ENTPD2: variants seen among roughly 807,000 people sequenced by gnomAD.
ENTPD2 encodes ectonucleoside triphosphate diphosphohydrolase 2, also known as CD39 antigen-like 1.
Under a neutral mutation model 46.8 loss-of-function variants are expected in ENTPD2, and 48 were observed. The observed-to-expected ratio is 1.03, with a 90% CI of 0.81 to 1.30. The LOEUF is 1.30. ENTPD2 is among the 50% of genes most tolerant of loss of function. ENTPD2 has a pLI of 0.00. For synonymous variants in ENTPD2, 316 were observed against 286.1 expected (o/e 1.10, Z -1.06); for missense variants, 707 against 651.1 (o/e 1.09, Z -0.93).
At chr9:137,052,197 G>C (rs775767357) in intron 2 of ENTPD2, 34 bp downstream of exon 2, 5 of 1,593,244 alleles carry the variant, frequency 3.1e-6, no homozygotes, top group Non-Finnish European at 4.3e-6. Context: ...CCTGCAGTGA[G>C]TGGGCGTCCT....
Position 137,054,021 on chromosome 9 carries a change from C to G in ENTPD2, c.-24G>C, listed in dbSNP as rs1442046475. ...ATGGGCGGGCGGGCGCGCGGGAGGACGATGCGTGGACCCGGAGAGTGCGGG... is the reference window on the plus strand; with the variant it reads ...ATGGGCGGGCGGGCGCGCGGGAGGAGGATGCGTGGACCCGGAGAGTGCGGG... On this transcript the variant is annotated 5_prime_UTR_variant, in exon 1 of 9. Coordinates refer to ENST00000355097, the MANE Select transcript of ENTPD2 (RefSeq NM_203468.3). 2 of 1,196,926 alleles carry G rather than the reference C, an allele frequency of 1.7e-6. No individual in the cohort carries two copies. The highest frequency in any genetic ancestry group is 1.6e-5 in the African/African-American group (1 of 63,040). The allele number at this position is 1,196,926 out of a possible 1,614,324, so 74.1% of individuals were successfully genotyped here.
intron 2 of ENTPD2, 149 bp downstream of exon 2, chr9:137,052,082 G>A (rs2131515017): frequency 1.4e-6 from 1 of 725,280 alleles, no homozygotes; most frequent in African/African-American, 1.8e-5. Flanking sequence ...CTCAGGCGCA[G>A]GGGCACCAGC....
chr9:137,050,740 C>T (rs2292924), intron 5 of ENTPD2, among the ~76,000 whole-genome samples, 162 bp downstream of exon 5: 1,914 of 152,132 alleles, frequency 0.013, 47 homozygotes, highest in East Asian at 0.1. Context: ...CTTCTCCAGG[C>T]CCAGCCCAGC....
Position 137,049,903 on chromosome 9 carries a change from G to C in ENTPD2, c.1116C>G (p.Ala372=). Residue 372 remains alanine (A), a synonymous_variant, in exon 7 of 9, where the codon GCC becomes GCG. Coordinates refer to ENST00000355097, the MANE Select transcript of ENTPD2 (RefSeq NM_203468.3). ...PVATLQQLEA[A]AVNVCNQTWA... ...AGGTCTGGTTGCAGACATTCACTGCGGCTGCCTCCAGCTGCTGCAGGGTGG... is the reference window on the plus strand; with the variant it reads ...AGGTCTGGTTGCAGACATTCACTGCCGCTGCCTCCAGCTGCTGCAGGGTGG... The C allele has an allele frequency of 1.2e-6, 2 of 1,612,258 alleles. No homozygotes were observed. Among genetic ancestry groups the C allele is most frequent in the Non-Finnish European group, 1.7e-6 (2 of 1,179,740 alleles).
At chr9:137,051,438 C>T (rs1393524944) in intron 3 of ENTPD2, 68 bp from the exon 4 acceptor site, 11 of 1,541,242 alleles carry the variant, frequency 7.1e-6, no homozygotes, top group Middle Eastern at 1.8e-4. Context: ...TAGGGGTGCT[C>T]GGAGTCCGCC....
chr9:137,053,609 CT>C (rs923973286), intron 1 of ENTPD2, among the ~76,000 whole-genome samples: 10 of 152,356 alleles, frequency 6.6e-5, no homozygotes, highest in African/African-American at 2.4e-4. Flanking sequence ...AGCCCCTGGG[CT>C]GCGTTGACGG....
intron 1 of ENTPD2, 56 bp downstream of exon 1, chr9:137,053,825 G>A: frequency 8.7e-7 from 1 of 1,146,624 alleles, no homozygotes. Context: ...CCCCCTCCCC[G>A]GCTCCAAGCC....
At chr9:137,053,673 C>G (rs1008024092) in intron 1 of ENTPD2, among the ~76,000 whole-genome samples, 30 of 151,988 alleles carry the variant, frequency 2.0e-4, no homozygotes, top group Admixed American at 1.3e-4. Context: ...CACCGCGTCG[C>G]CCTGGAAGCG....
In ENTPD2 at chr9:137,051,203, G is replaced by A. The variant is rs1832286632; in HGVS notation, c.546+8C>T. Reference sequence around the variant, plus strand: ...CCCCCTGGCTCTTTGGCTGGCTGCTGGGCCCACCTTGATGAAGTTCTCCAG... The same window carrying A: ...CCCCCTGGCTCTTTGGCTGGCTGCTAGGCCCACCTTGATGAAGTTCTCCAG... On this transcript the variant is annotated splice_region_variant and intron_variant, in intron 4 of 8. Coordinates refer to ENST00000355097, the MANE Select transcript of ENTPD2 (RefSeq NM_203468.3). 6.2e-7 allele frequency: 1 copy of A among 1,612,456 alleles called. No homozygotes were observed.
At chr9:137,049,733 G>A in intron 7 of ENTPD2, 137 bp downstream of exon 7, 1 of 1,029,392 alleles carries the variant, frequency 9.7e-7, no homozygotes, top group Non-Finnish European at 1.4e-6. Context: ...GCCACCTCTG[G>A]AGTCAGCCTA....
intron 1 of ENTPD2, 59 bp from the exon 2 acceptor site, chr9:137,052,407 C>G (rs1832317010): frequency 1.1e-5 from 15 of 1,365,432 alleles, no homozygotes; most frequent in African/African-American, 2.9e-5. Flanking sequence ...CACCCTGACA[C>G]CAAACGTGAA....
At chr9:137,049,399 C>A in intron 7 of ENTPD2, 1 of 594,042 alleles carries the variant, frequency 1.7e-6, no homozygotes, top group Non-Finnish European at 3.0e-6. Context: ...AGGCCTGAGT[C>A]TGCCCGCTGG....
Position 137,052,423 on chromosome 9 carries a change from G to T in ENTPD2, c.118-75C>A. On this transcript the variant is annotated intron_variant, in intron 1 of 8. Transcript: ENST00000355097. ...ACCCTGACACCAAACGTGAAGTTGGGTTCCTCCAGTTTGCCACCGCTCCCC... is the reference window on the plus strand; with the variant it reads ...ACCCTGACACCAAACGTGAAGTTGGTTTCCTCCAGTTTGCCACCGCTCCCC... 5 of 1,254,074 alleles carry T rather than the reference G, an allele frequency of 4.0e-6. No individual in the cohort carries two copies. The Admixed American group carries it at 5.7e-5, about 14-fold the overall frequency. The allele number at this position is 1,254,074 out of a possible 1,614,324, so 77.7% of individuals were successfully genotyped here.
Position 137,049,050 on chromosome 9 carries a change from C to G in ENTPD2, c.1175G>C (p.Arg392Pro), listed in dbSNP as rs371094769. The change falls in exon 8 of 9, where the codon CGG becomes CCG. Residue 392 changes from arginine (R) to proline (P), a missense_variant. Coordinates refer to ENST00000355097, the MANE Select transcript of ENTPD2 (RefSeq NM_203468.3). ...GGCGCAGTAGTCGGCCAGGCGGGCCCGTTGCCCTGGCACCCGAGCTTGCAG... is the reference window on the plus strand; with the variant it reads ...GGCGCAGTAGTCGGCCAGGCGGGCCGGTTGCCCTGGCACCCGAGCTTGCAG... ...AQLQARVPGQRARLADYCAGA... is the reference protein window; with the variant it reads ...AQLQARVPGQPARLADYCAGA... 8.0e-5 allele frequency: 122 copies of G among 1,534,118 alleles called. No homozygotes were observed. In the East Asian group the frequency reaches 1.9e-3, roughly 24 times the overall value.
In ENTPD2 at chr9:137,051,176, C is replaced by T. The variant is rs1477947375; in HGVS notation, c.546+35G>A. On this transcript the variant is annotated intron_variant, in intron 4 of 8. Coordinates refer to ENST00000355097, the MANE Select transcript of ENTPD2 (RefSeq NM_203468.3). ...GTCAACCAGGGGCCGAGGGCGCCCA[C>T]GCCCCCTGGCTCTTTGGCTGGCTGC... 1.1e-5 allele frequency: 17 copies of T among 1,611,350 alleles called. No homozygotes were observed. The East Asian group carries it at 1.1e-4, about 11-fold the overall frequency.
intron 3 of ENTPD2, 22 bp downstream of exon 3, chr9:137,051,488 G>A: frequency 3.2e-6 from 5 of 1,574,812 alleles, no homozygotes; most frequent in Non-Finnish European, 4.3e-6. Context: ...TGGGGACAGG[G>A]CCAGGGCACA....
rs763454460 is a variant in ENTPD2 at position 137,049,945 on chromosome 9, C to T, written c.1074G>A (p.Ser358=). Residue 358 remains serine (S), a synonymous_variant, in exon 7 of 9, where the codon TCG becomes TCA. Transcript: ENST00000355097. ...FFYTVDFLRT[S]MGLPVATLQQ... Reference sequence around the variant, plus strand: ...GCAGGGTGGCCACGGGCAGCCCCATCGAAGTCCGCAAAAAGTCCACAGTGT... The same window carrying T: ...GCAGGGTGGCCACGGGCAGCCCCATTGAAGTCCGCAAAAAGTCCACAGTGT... 20 of 1,612,476 alleles carry T rather than the reference C, an allele frequency of 1.2e-5. No individual in the cohort carries two copies. In the East Asian group the frequency reaches 2.7e-4, roughly 22 times the overall value.
chr9:137,050,612 G>A lies in ENTPD2; in HGVS notation c.775-74C>T, dbSNP rs191479203. The stretch of plus-strand genomic sequence containing the variant: ...GACCAGCCTGACAAACCTCCCACAG[G>A]TCTCACTCTGGCAACTTCACTTTTG... On this transcript the variant is annotated intron_variant, in intron 5 of 8. Transcript: ENST00000355097. The A allele has an allele frequency of 1.1e-4, 166 of 1,544,050 alleles. 1 individual carries two copies. The African/African-American group carries it at 2.1e-3, about 19-fold the overall frequency.
Position 137,048,829 on chromosome 9 carries a change from C to A in ENTPD2, c.1316G>T (p.Gly439Val). 1.3e-6 allele frequency: 2 copies of A among 1,561,306 alleles called. No individual in the cohort carries two copies. The highest frequency in any genetic ancestry group is 8.7e-7 in the Non-Finnish European group (1 of 1,153,230). ...AADTAVGWALGYMLNLTNLIP... is the reference protein window; with the variant it reads ...AADTAVGWALVYMLNLTNLIP... Reference sequence around the variant, plus strand: ...CAGGTTGGTCAGGTTCAGCATGTAGCCGAGCGCCCAGCCCACTGCAGTGTC... The same window carrying A: ...CAGGTTGGTCAGGTTCAGCATGTAGACGAGCGCCCAGCCCACTGCAGTGTC... The change falls in exon 9 of 9, where the codon GGC (glycine) becomes GTC (valine). Residue 439 changes from glycine (G) to valine (V), a missense_variant. Transcript: ENST00000355097.
Sources: gnomAD v4.1 joint callset for allele counts (sites outside exome capture counted in the v4.1 genomes callset) on GRCh38, gnomAD v4.1.1 for gene constraint, MANE v1.5 for transcripts, NCBI Gene and HGNC (gene_info 2026-07-23, HGNC 2026-07-21) for gene names.